The following CACNA1S variants were observed in gnomAD, a reference collection of about 807,000 sequenced individuals.
CACNA1S encodes calcium voltage-gated channel subunit alpha1 S.
In CACNA1S, 126 loss-of-function variants were observed where a neutral mutation model predicts 207.4. That is an observed-to-expected ratio of 0.61 (90% CI 0.53 to 0.70). The LOEUF (loss-of-function observed/expected upper bound fraction) is 0.70. Among genes scored for constraint, CACNA1S ranks in the 30% least tolerant of loss-of-function variants. The pLI, the probability that CACNA1S is intolerant of heterozygous loss-of-function variation, is 0.00. For missense variants in CACNA1S, 2,349 were observed against 2,422.8 expected (o/e 0.97, Z 0.64); for synonymous variants, 960 against 932.7 (o/e 1.03, Z -0.53).
Position 201,074,571 on chromosome 1 carries a change from C to T in CACNA1S, c.1998G>A (p.Glu666=). Residue 666 remains glutamate, a synonymous_variant, in exon 14 of 44, where the codon GAG becomes GAA. Transcript: ENST00000362061. ...TCTGGGCAGAAGTCAGGCTCTCCGC[C>T]TCGGCCAGGTTGTCCACGGCAATGG... ...FLAIAVDNLA[E]AESLTSAQKA... 2 of 1,614,114 alleles carry T rather than the reference C, an allele frequency of 1.2e-6. No individual in the cohort carries two copies. The highest frequency in any genetic ancestry group is 1.1e-5 in the South Asian group (1 of 91,040).
chr1:201,049,583 G>A (rs529089713), intron 34 of CACNA1S, among the ~76,000 whole-genome samples: 1 of 152,306 alleles, frequency 6.6e-6, no homozygotes, highest in Admixed American at 6.5e-5. Context: ...CAAAAGACAA[G>A]CATGGCAAGA....
rs771142755 is a variant in CACNA1S at position 201,094,057 on chromosome 1, GCT to G, written c.259-38_259-37del. ...AAACGTGGTCACAGCATGCCTCTGT[GCT>G]CTCTGAGTGCACCCTTGCTCTCTTC... is the stretch of plus-strand genomic sequence containing the variant. On this transcript the variant is annotated intron_variant, in intron 2 of 43. Coordinates refer to ENST00000362061, the MANE Select transcript of CACNA1S (RefSeq NM_000069.3). 3.7e-6 allele frequency: 6 copies of G among 1,613,636 alleles called. No individual in the cohort carries two copies. The Admixed American group carries it at 1.0e-4, about 27-fold the overall frequency.
rs954651884 is a variant in CACNA1S, at chr1:201,070,365, G to A, written c.2267C>T (p.Pro756Leu). The A allele has an allele frequency of 6.2e-7, 1 of 1,614,048 alleles. No homozygotes were observed. Among genetic ancestry groups the A allele is most frequent in the Non-Finnish European group, 8.5e-7 (1 of 1,180,004 alleles). ...EEDEPEIPLS[P>L]RPRPLAELQL... is the part of the protein sequence containing the mutation. ...CAGCTCAGCCAGGGGACGTGGTCGG[G>A]GGCTCAGCGGGATCTCAGGCTCATC... Residue 756 changes from proline (P) to leucine (L), a missense_variant, in exon 17 of 44, where the codon CCC becomes CTC. Physicochemically the swap from Pro to Leu is moderately conservative, Grantham distance 98. Coordinates refer to ENST00000362061, the MANE Select transcript of CACNA1S (RefSeq NM_000069.3).
rs1419485886 is a variant in CACNA1S at position 201,039,785 on chromosome 1, C to A, written c.*46G>T. The A allele has an allele frequency of 6.3e-7, 1 of 1,599,724 alleles. No individual in the cohort carries two copies. The highest frequency in any genetic ancestry group is 1.7e-5 in the Admixed American group (1 of 60,026). On this transcript the variant is annotated 3_prime_UTR_variant, in exon 44 of 44. Coordinates refer to ENST00000362061, the MANE Select transcript of CACNA1S (RefSeq NM_000069.3). The stretch of plus-strand genomic sequence containing the variant: ...CTCCACCCCAGCAACTTCCCCACCC[C>A]CATTGGTCATGCCAGCTCTAAGCCC...
At chr1:201,050,169 T>C (rs1264831459) in intron 34 of CACNA1S, among the ~76,000 whole-genome samples, 2 of 152,162 alleles carry the variant, frequency 1.3e-5, no homozygotes, top group Non-Finnish European at 2.9e-5. Flanking sequence ...AGGAGCTGGA[T>C]GACAATTTCT....
intron 34 of CACNA1S, among the ~76,000 whole-genome samples, chr1:201,050,094 C>T (rs1660602028): frequency 6.6e-6 from 1 of 152,140 alleles, no homozygotes; most frequent in South Asian, 2.1e-4. Context: ...GAGGACCGCA[C>T]TTTGATTTGG....
intron 40 of CACNA1S, among the ~76,000 whole-genome samples, chr1:201,042,286 C>T (rs1431208053): frequency 6.6e-6 from 1 of 152,196 alleles, no homozygotes; most frequent in Non-Finnish European, 1.5e-5. Context: ...AGGCATGCGC[C>T]ACCACACCTG....
chr1:201,084,561 G>C (rs777393449), intron 9 of CACNA1S, among the ~76,000 whole-genome samples: 2 of 152,156 alleles, frequency 1.3e-5, no homozygotes, highest in Non-Finnish European at 2.9e-5. Flanking sequence ...CCTTCCTGAG[G>C]GGCTCCCGGT....
chr1:201,046,369 T>C (rs1257712271), intron 38 of CACNA1S, among the ~76,000 whole-genome samples: 1 of 152,046 alleles, frequency 6.6e-6, no homozygotes, highest in Non-Finnish European at 1.5e-5. Flanking sequence ...TTAGTAGAGA[T>C]GGGGTTCTAC....
chr1:201,095,483 G>T (rs1662391209), intron 2 of CACNA1S, among the ~76,000 whole-genome samples: 1 of 152,192 alleles, frequency 6.6e-6, no homozygotes, highest in African/African-American at 2.4e-5. Context: ...GGCAAGGGAA[G>T]AGGTCCCCAA....
chr1:201,107,366 G>T (rs1406044114), intron 2 of CACNA1S, among the ~76,000 whole-genome samples: 1 of 152,256 alleles, frequency 6.6e-6, no homozygotes, highest in East Asian at 1.9e-4. Context: ...TAGGTTCTCT[G>T]TCAATATGCT....
chr1:201,088,098 C>T (rs1223444652), intron 6 of CACNA1S, among the ~76,000 whole-genome samples, 169 bp from the exon 7 acceptor site: 1 of 152,126 alleles, frequency 6.6e-6, no homozygotes, highest in Non-Finnish European at 1.5e-5. Flanking sequence ...ACTTTTCCAG[C>T]CTGAGGACTA....
chr1:201,055,709 A>C (rs1267832881), intron 28 of CACNA1S, among the ~76,000 whole-genome samples: 3 of 152,186 alleles, frequency 2.0e-5, no homozygotes, highest in Non-Finnish European at 4.4e-5. Flanking sequence ...GTGCTCCCCT[A>C]GTCCTTTCCC....
chr1:201,047,041 A>G (rs1002979243), intron 38 of CACNA1S, 74 bp downstream of exon 38: 22 of 1,594,230 alleles, frequency 1.4e-5, no homozygotes, highest in Middle Eastern at 1.7e-4. Context: ...CCTCAAGGAC[A>G]TGGAAGGATA....
At chr1:201,064,638 G>A (rs907292160) in intron 22 of CACNA1S, among the ~76,000 whole-genome samples, 1 of 152,232 alleles carries the variant, frequency 6.6e-6, no homozygotes, top group Non-Finnish European at 1.5e-5. Flanking sequence ...GGTGATAGGA[G>A]GAGCAGCTGG....
Position 201,073,549 on chromosome 1 carries a change from C to T in CACNA1S, c.2157G>A (p.Lys719=), listed in dbSNP as rs889659456. Residue 719 remains lysine, a splice_region_variant and synonymous_variant, in exon 15 of 44, where the codon AAG becomes AAA. Coordinates refer to ENST00000362061, the MANE Select transcript of CACNA1S (RefSeq NM_000069.3). Reference sequence around the variant, plus strand: ...TAACATCCCCACCTGAGGTGCTCACCTTGGCAGTGGTGGGGATGCCCTCAC... The same window carrying T: ...TAACATCCCCACCTGAGGTGCTCACTTTGGCAGTGGTGGGGATGCCCTCAC... ...PKGEGIPTTA[K]LKIDEFESNV... is the part of the protein sequence containing the mutation. 3.2e-5 allele frequency: 52 copies of T among 1,612,230 alleles called. No individual in the cohort carries two copies. The highest frequency in any genetic ancestry group is 4.0e-5 in the Non-Finnish European group (47 of 1,178,346).
At chr1:201,109,244 A>AAAAAAAG (rs1491532279) in intron 2 of CACNA1S, among the ~76,000 whole-genome samples, 2 of 43,066 alleles carry the variant, frequency 4.6e-5, no homozygotes, top group African/African-American at 2.3e-4. Context: ...ACTCTGTCTC[A>AAAAAAAG]AAAAAAAAAA....
chr1:201,078,664 C>T (rs1440449297), intron 10 of CACNA1S, among the ~76,000 whole-genome samples: 1 of 152,106 alleles, frequency 6.6e-6, no homozygotes, highest in African/African-American at 2.4e-5. Flanking sequence ...TTCCTATACA[C>T]CTCCCTCCTG....
intron 5 of CACNA1S, 129 bp from the exon 6 acceptor site, chr1:201,089,592 A>G: frequency 1.1e-6 from 1 of 888,066 alleles, no homozygotes; most frequent in Non-Finnish European, 1.8e-6. Context: ...AAAATGCAAA[A>G]GACAGCTTCA....
Sources: allele counts gnomAD v4.1 joint callset (sites outside exome capture counted in the v4.1 genomes callset), GRCh38; gene constraint gnomAD v4.1.1; transcripts MANE v1.5; gene names NCBI Gene and HGNC (gene_info 2026-07-23, HGNC 2026-07-21).